The following SYNPR variants were observed in gnomAD, a reference collection of about 807,000 sequenced individuals.
The protein encoded by SYNPR is synaptoporin.
In SYNPR, 23 loss-of-function variants were observed where a neutral mutation model predicts 32.9. The ratio of observed to expected loss-of-function variants is 0.70; its 90% confidence interval spans 0.50 to 0.99. The LOEUF is 0.99. Among genes scored for constraint, SYNPR ranks in the 50% least tolerant of loss-of-function variants. The probability of loss-of-function intolerance (pLI) is 0.00; values close to 1 mark genes in which losing one functional copy is unlikely to be tolerated. For missense variants in SYNPR, 318 were observed against 349.3 expected, an observed-to-expected ratio of 0.91 and a Z score of 0.71; for synonymous variants, 146 against 135.9, an observed-to-expected ratio of 1.07 and a Z score of -0.52.
intron 2 of SYNPR, among the ~76,000 whole-genome samples, chr3:63,345,214 T>C (rs2087422436): frequency 6.6e-6 from 1 of 152,208 alleles, no homozygotes; most frequent in Non-Finnish European, 1.5e-5. Flanking sequence ...ACAAAGGTGG[T>C]TTTAGTCTCA....
chr3:63,525,554 GAC>G (rs1396235812), intron 3 of SYNPR, among the ~76,000 whole-genome samples: 1 of 152,154 alleles, frequency 6.6e-6, no homozygotes, highest in East Asian at 1.9e-4. Flanking sequence ...GGGTCACAGG[GAC>G]ACAGAGTTAG....
chr3:63,393,920 C>T (rs1004153139), intron 2 of SYNPR, among the ~76,000 whole-genome samples: 1 of 152,082 alleles, frequency 6.6e-6, no homozygotes, highest in South Asian at 2.1e-4. Context: ...CTGTTTATAT[C>T]TTTTGTCTAC....
At chr3:63,508,686 C>A (rs1701636672) in intron 3 of SYNPR, among the ~76,000 whole-genome samples, 1 of 152,040 alleles carries the variant, frequency 6.6e-6, no homozygotes, top group African/African-American at 2.4e-5. Flanking sequence ...TCTTTGTGAC[C>A]AATCACATGG....
intron 4 of SYNPR, among the ~76,000 whole-genome samples, chr3:63,601,919 C>T (rs1700050547): frequency 6.6e-6 from 1 of 152,218 alleles, no homozygotes; most frequent in Non-Finnish European, 1.5e-5. Context: ...CTGCTTTCCA[C>T]AATGGTTGAA....
At chr3:63,303,381 AAC>A (rs1438672013) in intron 2 of SYNPR, among the ~76,000 whole-genome samples, 2 of 151,950 alleles carry the variant, frequency 1.3e-5, no homozygotes, top group African/African-American at 4.8e-5. Context: ...ACACTGGGCA[AAC>A]CACTACCATG....
chr3:63,479,457 T>TACACACACACACAC (rs1223820320), intron 2 of SYNPR, among the ~76,000 whole-genome samples: 2 of 150,978 alleles, frequency 1.3e-5, no homozygotes, highest in Non-Finnish European at 3.0e-5. Context: ...CACACACACA[T>TACACACACACACAC]ACACACACAC....
intron 3 of SYNPR, among the ~76,000 whole-genome samples, chr3:63,530,058 C>T (rs1193269053): frequency 6.6e-6 from 1 of 152,036 alleles, no homozygotes; most frequent in African/African-American, 2.4e-5. Flanking sequence ...TGCACCCTGA[C>T]CCCCATGCCT....
chr3:63,389,465 T>C (rs1425464832), intron 2 of SYNPR, among the ~76,000 whole-genome samples: 1 of 152,200 alleles, frequency 6.6e-6, no homozygotes, highest in Non-Finnish European at 1.5e-5. Flanking sequence ...GTGTCTCTCT[T>C]ACCAGTAATT....
chr3:63,277,546 G>C (rs143572293), upstream of SYNPR, among the ~76,000 whole-genome samples: 565 of 152,226 alleles, frequency 3.7e-3, 4 homozygotes, highest in African/African-American at 0.012. Context: ...GAGTTTGAAA[G>C]GTACCTAAAT....
the SYNPR span, among the ~76,000 whole-genome samples, chr3:63,201,046 A>C: frequency 6.6e-6 from 1 of 152,160 alleles, no homozygotes; most frequent in Non-Finnish European, 1.5e-5. Context: ...TTAGGTTCTG[A>C]AATTAGCTAC....
intron 2 of SYNPR, among the ~76,000 whole-genome samples, chr3:63,265,108 G>A (rs964809631): frequency 1.3e-5 from 2 of 152,088 alleles, no homozygotes; most frequent in East Asian, 1.9e-4. Context: ...TAGCGTGCAG[G>A]CACATTACTG....
chr3:63,390,806 G>T (rs6790302), intron 2 of SYNPR, among the ~76,000 whole-genome samples: 10,793 of 152,122 alleles, frequency 0.071, 802 homozygotes, highest in African/African-American at 0.19. Context: ...CTCAGCCAAG[G>T]CCTCCTCCTT....
chr3:63,345,129 C>G (rs778813933), intron 2 of SYNPR, among the ~76,000 whole-genome samples: 6 of 152,202 alleles, frequency 3.9e-5, no homozygotes, highest in African/African-American at 1.4e-4. Flanking sequence ...GACTTGTTAT[C>G]ATTTAACTAT....
chr3:63,434,940 C>T lies in SYNPR; in HGVS notation c.85-45892C>T, dbSNP rs146327767. ...ATGTAATATTGTGTGCTATGCAGGA[C>T]GGCAGAAAGAGTGAATCTACTGCTC... is the stretch of plus-strand genomic sequence containing the variant. On this transcript the variant is annotated intron_variant, in intron 2 of 5. Transcript: ENST00000478300. Among the ~76,000 whole-genome samples the T allele has an allele frequency of 2.2e-3, 341 of 152,278 alleles. 5 individuals carry two copies. The East Asian group carries it at 0.034, about 15-fold the overall frequency.
chr3:63,365,135 T>C (rs1014774744), intron 2 of SYNPR, among the ~76,000 whole-genome samples: 4 of 152,204 alleles, frequency 2.6e-5, no homozygotes, highest in Non-Finnish European at 5.9e-5. Context: ...AGCAGAGGGC[T>C]GTGGCTTTCC....
chr3:63,267,477 A>T (rs750628173), intron 3 of SYNPR: 1 of 152,218 alleles, frequency 6.6e-6, no homozygotes, highest in African/African-American at 2.4e-5. Context: ...GTGGAAGTTG[A>T]GAGCATCTTT....
chr3:63,541,776 T>C lies in SYNPR; in HGVS notation c.210-14767T>C, dbSNP rs568025230. 1.2e-3 allele frequency among the ~76,000 whole-genome samples: 178 copies of C among 152,182 alleles called. 1 individual carries two copies. Among genetic ancestry groups the C allele is most frequent in the African/African-American group, 4.1e-3 (171 of 41,540 alleles). ...TTTAGGAGCCCAGAGAAGCTAAACA[T>C]AGAAAAAGCAAAACTAAAATTAATT... On this transcript the variant is annotated intron_variant, in intron 3 of 5. Transcript: ENST00000478300.
intron 2 of SYNPR, among the ~76,000 whole-genome samples, chr3:63,342,563 T>C (rs1286195187): frequency 6.6e-6 from 1 of 152,208 alleles, no homozygotes; most frequent in Non-Finnish European, 1.5e-5. Context: ...TGAGAGATAT[T>C]GGTCTTTAAT....
At chr3:63,366,885 G>A (rs182311690) in intron 2 of SYNPR, among the ~76,000 whole-genome samples, 40 of 152,320 alleles carry the variant, frequency 2.6e-4, no homozygotes, top group African/African-American at 9.6e-4. Flanking sequence ...GATTAAATGA[G>A]CAATAATAAT....
Sources: gnomAD v4.1 joint callset for allele counts (sites outside exome capture counted in the v4.1 genomes callset) on GRCh38, gnomAD v4.1.1 for gene constraint, MANE v1.5 for transcripts, NCBI Gene and HGNC (gene_info 2026-07-23, HGNC 2026-07-21) for gene names.